Variants in PRRG1 observed in about 807,000 individuals in gnomAD.
PRRG1 encodes transmembrane gamma-carboxyglutamic acid protein 1.
In PRRG1, 5 loss-of-function variants were observed where a neutral mutation model predicts 11.8. That is an observed-to-expected ratio of 0.42 (90% confidence interval 0.22 to 0.89). PRRG1 has a LOEUF of 0.89. PRRG1 is among the 40% of genes least tolerant of loss of function. PRRG1 has a pLI of 0.28. For missense variants in PRRG1, 155 were observed against 166.1 expected, an observed-to-expected ratio of 0.93 and a Z score of 0.37; for synonymous variants, 66 against 60.4, an observed-to-expected ratio of 1.09 and a Z score of -0.43.
At chrX:37,349,540 G>T (rs1396782656) in intron 1 of PRRG1, 145 bp downstream of exon 1, 5 of 112,712 alleles carry the variant, frequency 4.4e-5, no homozygotes, top group Admixed American at 1.9e-4. Flanking sequence ...TAGCGACGCT[G>T]CCTGTGGGTG....
intron 3 of PRRG1, chrX:37,441,457 G>T: frequency 2.7e-6 from 2 of 754,683 alleles, no homozygotes; most frequent in Non-Finnish European, 3.1e-6. Context: ...TTAGCCATCC[G>T]CCTTCAGCCA....
chrX:37,352,714 A>G (rs1930108406), intron 1 of PRRG1, among the ~76,000 whole-genome samples: 1 of 112,044 alleles, frequency 8.9e-6, no homozygotes, highest in Admixed American at 9.5e-5. Context: ...GCAAGACAAG[A>G]AGTTAAACTT....
chrX:37,388,063 A>G (rs1195599098), intron 1 of PRRG1, among the ~76,000 whole-genome samples: 2 of 112,004 alleles, frequency 1.8e-5, no homozygotes, highest in Non-Finnish European at 3.8e-5. Flanking sequence ...TCCAACCTCC[A>G]AAATAATCTC....
rs781964885 is a variant in PRRG1 at position 37,453,121 on chromosome X, G to T, written c.172-15G>T. ...TTCATACTGATTTTCTATTTATTTTGTATTGTATTTTCAGAAGGAGTTTTG... is the reference window on the plus strand; with the variant it reads ...TTCATACTGATTTTCTATTTATTTTTTATTGTATTTTCAGAAGGAGTTTTG... On this transcript the variant is annotated splice_polypyrimidine_tract_variant and intron_variant, in intron 3 of 3. Transcript: ENST00000378628. 8.5e-7 allele frequency: 1 copy of T among 1,174,370 alleles called. No homozygotes were observed. Among genetic ancestry groups the T allele is most frequent in the Non-Finnish European group, 1.1e-6 (1 of 870,519 alleles).
intron 1 of PRRG1, among the ~76,000 whole-genome samples, chrX:37,364,601 C>T (rs1930512493): frequency 9.0e-6 from 1 of 111,238 alleles, no homozygotes; most frequent in African/African-American, 3.3e-5. Flanking sequence ...GGATTTTTTC[C>T]CCATTCTCCA....
At position 37,453,668 on chromosome X, in the gene PRRG1, A is replaced by G; in HGVS notation, c.*47A>G. The G allele has an allele frequency of 1.8e-6, 2 of 1,106,668 alleles. No homozygotes were observed. The highest frequency in any genetic ancestry group is 2.4e-6 in the Non-Finnish European group (2 of 835,783). The allele number at this position is 1,106,668 out of a possible 1,213,427, so 91.2% of individuals were successfully genotyped here. ...CTAATCATTTTTAAAATACTAATGGAAGAACTTTCTAGCACTTTACCACTA... is the reference window on the plus strand; with the variant it reads ...CTAATCATTTTTAAAATACTAATGGGAGAACTTTCTAGCACTTTACCACTA... On this transcript the variant is annotated 3_prime_UTR_variant, in exon 4 of 4. Coordinates refer to ENST00000378628, the MANE Select transcript of PRRG1 (RefSeq NM_001142395.2).
intron 2 of PRRG1, among the ~76,000 whole-genome samples, chrX:37,416,574 C>G (rs1556385254): frequency 8.9e-6 from 1 of 111,840 alleles, no homozygotes. Context: ...ATTGAGGCAC[C>G]AGTAAGAGTA....
intron 1 of PRRG1, among the ~76,000 whole-genome samples, chrX:37,356,364 A>T (rs1930232567): frequency 9.0e-6 from 1 of 111,461 alleles, no homozygotes; most frequent in Admixed American, 9.5e-5. Flanking sequence ...AAAACCATTT[A>T]TTTGGAGGAA....
At position 37,374,417 on chromosome X, in the gene PRRG1, G is replaced by A. The variant is rs189412167; in HGVS notation, c.-42+25022G>A. ...ATTTATTCTGCTTTGAAATCATTTCGTATCTTGTATATATTCATTGCTATC... is the reference window on the plus strand; with the variant it reads ...ATTTATTCTGCTTTGAAATCATTTCATATCTTGTATATATTCATTGCTATC... On this transcript the variant is annotated intron_variant, in intron 1 of 3. Transcript: ENST00000378628. Among the ~76,000 whole-genome samples the A allele has an allele frequency of 1.7e-3, 185 of 111,181 alleles. 1 individual carries two copies. The highest frequency in any genetic ancestry group is 5.8e-3 in the African/African-American group (178 of 30,655).
In PRRG1 at chrX:37,425,850, G is replaced by A. The variant is rs782332020; in HGVS notation, c.21G>A (p.Thr7=). 3.4e-6 allele frequency: 4 copies of A among 1,176,946 alleles called. No homozygotes were observed. Among genetic ancestry groups the A allele is most frequent in the East Asian group, 6.0e-5 (2 of 33,328 alleles). The change falls in exon 3 of 4, where the codon ACG becomes ACA. Residue 7 remains threonine, a synonymous_variant. Coordinates refer to ENST00000378628, the MANE Select transcript of PRRG1 (RefSeq NM_001142395.2). Reference sequence around the variant, plus strand: ...TATATTTCTTTTTAGTTTTCCTCACGGGAGAAAAAGCCAATTCCATATTAA... The same window carrying A: ...TATATTTCTTTTTAGTTTTCCTCACAGGAGAAAAAGCCAATTCCATATTAA... The part of the protein sequence containing the change: MGRVFL[T]GEKANSILKR...
intron 2 of PRRG1, among the ~76,000 whole-genome samples, chrX:37,409,720 T>C (rs1556383212): frequency 1.8e-5 from 2 of 112,303 alleles, no homozygotes; most frequent in Admixed American, 9.5e-5. Flanking sequence ...TTTCTGGCAC[T>C]GTACAATGAA....
At chrX:37,439,213 G>A (rs1932931029) in intron 3 of PRRG1, among the ~76,000 whole-genome samples, 1 of 111,772 alleles carries the variant, frequency 8.9e-6, no homozygotes, top group African/African-American at 3.2e-5. Context: ...ATATTTCAGA[G>A]GGTCACACTA....
At chrX:37,449,189 G>A (rs1165354789) in intron 3 of PRRG1, among the ~76,000 whole-genome samples, 6 of 111,258 alleles carry the variant, frequency 5.4e-5, no homozygotes, top group Non-Finnish European at 7.5e-5. Flanking sequence ...TTAGTCCCCC[G>A]TCTCCTAAGG....
intron 1 of PRRG1, among the ~76,000 whole-genome samples, chrX:37,395,326 A>T (rs1931676677): frequency 8.9e-6 from 1 of 111,797 alleles, no homozygotes; most frequent in Non-Finnish European, 1.9e-5. Context: ...TAAGATAAGT[A>T]TATCAAGGCT....
intron 1 of PRRG1, among the ~76,000 whole-genome samples, chrX:37,356,610 G>T (rs1297636665): frequency 9.0e-6 from 1 of 111,125 alleles, no homozygotes; most frequent in Non-Finnish European, 1.9e-5. Flanking sequence ...GCCATGTTGA[G>T]TTAGAGATGA....
At chrX:37,395,784 CTAT>C (rs2146562252) in intron 1 of PRRG1, among the ~76,000 whole-genome samples, 1 of 111,461 alleles carries the variant, frequency 9.0e-6, no homozygotes, top group Admixed American at 9.5e-5. Context: ...GATACAGATT[CTAT>C]TATTGTCCCA....
At chrX:37,427,513 T>A (rs1333145318) in intron 3 of PRRG1, among the ~76,000 whole-genome samples, 1 of 112,165 alleles carries the variant, frequency 8.9e-6, no homozygotes, top group Non-Finnish European at 1.9e-5. Flanking sequence ...TTTAAGTATA[T>A]AATATAACAT....
chrX:37,353,534 A>G (rs782710235), intron 1 of PRRG1, among the ~76,000 whole-genome samples: 3 of 112,141 alleles, frequency 2.7e-5, no homozygotes, highest in Non-Finnish European at 5.6e-5. Flanking sequence ...ATAGGGCTTC[A>G]TATCCACTTA....
chrX:37,404,578 T>C (rs1160862427), intron 1 of PRRG1, among the ~76,000 whole-genome samples: 1 of 110,832 alleles, frequency 9.0e-6, no homozygotes, highest in Non-Finnish European at 1.9e-5. Flanking sequence ...GTGCTTCCTA[T>C]AGTGCTAGGT....
Sources: gnomAD v4.1 joint callset for allele counts (sites outside exome capture counted in the v4.1 genomes callset) on GRCh38, gnomAD v4.1.1 for gene constraint, MANE v1.5 for transcripts, NCBI Gene and HGNC (gene_info 2026-07-23, HGNC 2026-07-21) for gene names.